Variants in FRMPD4 observed in about 807,000 individuals in gnomAD.
The protein encoded by FRMPD4 is FERM and PDZ domain-containing protein 4.
A neutral mutation model predicts 94.1 loss-of-function variants in FRMPD4; 22 were observed. The observed-to-expected ratio is 0.23, with a 90% CI of 0.17 to 0.33. The LOEUF (loss-of-function observed/expected upper bound fraction) is 0.33, where lower values mean the gene tolerates loss of function less well. FRMPD4 is among the 10% of genes least tolerant of loss of function. The pLI is 1.00. For synonymous variants in FRMPD4, 631 were observed against 548.6 expected (o/e 1.15, Z -2.10); for missense variants, 1,111 against 1,339.9 (o/e 0.83, Z 2.67).
chrX:12,145,994 A>ACTTTTGAG (rs2055759562), intron 1 of FRMPD4, among the ~76,000 whole-genome samples: 1 of 111,527 alleles, frequency 9.0e-6, no homozygotes, highest in African/African-American at 3.3e-5. Context: ...CCGTCTACAT[A>ACTTTTGAG]CTTTTGAGGG....
chrX:12,389,189 A>C (rs1028427977), intron 1 of FRMPD4, among the ~76,000 whole-genome samples: 2 of 109,925 alleles, frequency 1.8e-5, no homozygotes, highest in Non-Finnish European at 3.8e-5. Flanking sequence ...AATTGCTGAG[A>C]GTGGCTGGGC....
intron 4 of FRMPD4, among the ~76,000 whole-genome samples, chrX:12,628,828 A>C (rs772908897): frequency 8.9e-6 from 1 of 112,687 alleles, no homozygotes; most frequent in African/African-American, 3.2e-5. Context: ...GTCCGTCTTC[A>C]CACTCCTAAT....
At chrX:11,906,535 T>C (rs931709443) in intron 3 of FRMPD4, among the ~76,000 whole-genome samples, 19 of 111,959 alleles carry the variant, frequency 1.7e-4, no homozygotes, top group Non-Finnish European at 9.4e-5. Context: ...ATTCTGAATA[T>C]ATTGTTTCAC....
chrX:12,081,956 TCTTTC>T (rs1409596106), intron 3 of FRMPD4, among the ~76,000 whole-genome samples: 3 of 112,426 alleles, frequency 2.7e-5, no homozygotes, highest in Non-Finnish European at 5.6e-5. Flanking sequence ...TTTTTAGTTT[TCTTTC>T]CTTTCAAGTG....
chrX:11,863,696 T>A (rs191106150), intron 1 of FRMPD4, among the ~76,000 whole-genome samples: 22 of 112,332 alleles, frequency 2.0e-4, no homozygotes, highest in Non-Finnish European at 3.6e-4. Flanking sequence ...TGAATAATAA[T>A]AATTTCTGCC....
chrX:12,634,764 G>C (rs922680689), intron 4 of FRMPD4, among the ~76,000 whole-genome samples: 1 of 107,985 alleles, frequency 9.3e-6, no homozygotes, highest in Admixed American at 9.9e-5. Flanking sequence ...TACAATATGT[G>C]AGAGGCCCTT....
chrX:12,336,338 A>G (rs1302859555), intron 1 of FRMPD4, among the ~76,000 whole-genome samples: 1 of 111,968 alleles, frequency 8.9e-6, no homozygotes, highest in Non-Finnish European at 1.9e-5. Flanking sequence ...CCTAAGTGTC[A>G]GCATTAGCAA....
chrX:12,432,007 C>T (rs902751103), intron 1 of FRMPD4, among the ~76,000 whole-genome samples: 3 of 112,133 alleles, frequency 2.7e-5, no homozygotes, highest in African/African-American at 9.7e-5. Context: ...CAGAGCCCCT[C>T]CCTGCCTGCC....
chrX:12,220,182 C>A (rs868514531), intron 1 of FRMPD4, among the ~76,000 whole-genome samples: 2 of 106,144 alleles, frequency 1.9e-5, no homozygotes, highest in African/African-American at 7.1e-5. Flanking sequence ...AACAACAACA[C>A]AAAAAAACAA....
chrX:12,328,033 T>C (rs1210303375), intron 1 of FRMPD4, among the ~76,000 whole-genome samples: 1 of 111,230 alleles, frequency 9.0e-6, no homozygotes, highest in African/African-American at 3.3e-5. Flanking sequence ...GGAACAGTGA[T>C]GACATGCCTT....
At chrX:12,155,494 C>G (rs1257455451) in intron 1 of FRMPD4, among the ~76,000 whole-genome samples, 1 of 96,007 alleles carries the variant, frequency 1.0e-5, no homozygotes. Context: ...TGGGTTTTGA[C>G]ATCTTTTTGA....
At chrX:11,928,342 C>A (rs1032361732) in intron 3 of FRMPD4, among the ~76,000 whole-genome samples, 6 of 111,993 alleles carry the variant, frequency 5.4e-5, no homozygotes, top group Non-Finnish European at 1.1e-4. Flanking sequence ...GAAAGGGAAG[C>A]AAGCATGTCC....
intron 1 of FRMPD4, among the ~76,000 whole-genome samples, chrX:12,458,645 G>A (rs1010467960): frequency 5.4e-5 from 6 of 111,643 alleles, no homozygotes; most frequent in African/African-American, 2.0e-4. Context: ...GGTGAAAACA[G>A]AAGTTTCCAA....
At chrX:12,159,866 G>C (rs2055994615) in intron 1 of FRMPD4, among the ~76,000 whole-genome samples, 1 of 112,128 alleles carries the variant, frequency 8.9e-6, no homozygotes, top group Non-Finnish European at 1.9e-5. Flanking sequence ...AATATGGTAA[G>C]TACTACAATA....
intron 1 of FRMPD4, among the ~76,000 whole-genome samples, chrX:12,258,778 ATCTAC>A (rs1449442500): frequency 8.9e-6 from 1 of 111,917 alleles, no homozygotes; most frequent in Non-Finnish European, 1.9e-5. Flanking sequence ...TAATTGGGAT[ATCTAC>A]CACCTCAAGC....
chrX:12,553,169 T>TAAGAAAGA (rs34630273), intron 2 of FRMPD4, among the ~76,000 whole-genome samples: 2,343 of 99,796 alleles, frequency 0.023, 66 homozygotes, highest in African/African-American at 0.073. Flanking sequence ...GTAAGTAAAG[T>TAAGAAAGA]AAGAAAGAAA....
chrX:12,188,397 G>A (rs1343940516), intron 1 of FRMPD4, among the ~76,000 whole-genome samples: 1 of 111,566 alleles, frequency 9.0e-6, no homozygotes, highest in Admixed American at 9.5e-5. Context: ...AAAAGAATCA[G>A]CAGAAGTATT....
chrX:12,026,789 GA>G (rs769008827), intron 3 of FRMPD4, among the ~76,000 whole-genome samples: 54 of 109,185 alleles, frequency 4.9e-4, no homozygotes, highest in African/African-American at 1.0e-3. Context: ...CCTAAGGAGG[GA>G]AAAAAAAACA....
intron 3 of FRMPD4, among the ~76,000 whole-genome samples, chrX:12,021,918 A>G (rs2054633891): frequency 8.9e-6 from 1 of 112,706 alleles, no homozygotes; most frequent in East Asian, 2.8e-4. Flanking sequence ...GAAAGAGCAC[A>G]GAGTGAGAGC....
Sources: allele counts gnomAD v4.1 joint callset (sites outside exome capture counted in the v4.1 genomes callset), GRCh38; gene constraint gnomAD v4.1.1; transcripts MANE v1.5; gene names NCBI Gene and HGNC (gene_info 2026-07-23, HGNC 2026-07-21).